The following LUC7L3 variants were observed in gnomAD, a reference collection of about 807,000 sequenced individuals.
LUC7L3 encodes LUC7 like 3 pre-mRNA splicing factor, also known as luc7-like protein 3.
LUC7L3 carries 6 observed loss-of-function variants against 66.8 expected under a neutral mutation model. That is an observed-to-expected ratio of 0.09 (90% CI 0.05 to 0.18). The LOEUF (loss-of-function observed/expected upper bound fraction) is 0.18. Among genes scored for constraint, LUC7L3 ranks in the 10% least tolerant of loss-of-function variants. The probability of loss-of-function intolerance (pLI) is 1.00; values close to 1 mark genes in which losing one functional copy is unlikely to be tolerated. For missense variants in LUC7L3, 341 were observed against 531.1 expected (o/e 0.64, Z 3.52); for synonymous variants, 160 against 174.7 (o/e 0.92, Z 0.66).
chr17:50,738,870 A>G (rs1970164396), intron 2 of LUC7L3, among the ~76,000 whole-genome samples: 1 of 152,100 alleles, frequency 6.6e-6, no homozygotes, highest in Admixed American at 6.6e-5. Flanking sequence ...ATACCTAGGC[A>G]TACCCCTGTG....
At chr17:50,722,735 T>C (rs1219092077) in intron 1 of LUC7L3, 1 of 152,248 alleles carries the variant, frequency 6.6e-6, no homozygotes, top group East Asian at 1.9e-4. Context: ...ATCGACCATT[T>C]ATTTGTAATG....
chr17:50,734,748 AAACT>A (rs1969865050), intron 1 of LUC7L3, among the ~76,000 whole-genome samples: 1 of 152,224 alleles, frequency 6.6e-6, no homozygotes, highest in Admixed American at 6.5e-5. Context: ...TATTGGCATA[AAACT>A]AGTGGCTTGC....
intron 1 of LUC7L3, among the ~76,000 whole-genome samples, chr17:50,733,648 G>A (rs954573054): frequency 1.4e-4 from 21 of 152,022 alleles, no homozygotes; most frequent in African/African-American, 5.1e-4. Flanking sequence ...TGATCCGCAC[G>A]CCTCAGCCTC....
In LUC7L3 at chr17:50,726,668, C is replaced by T. The variant is rs80193832; in HGVS notation, c.99+6837C>T. Among the ~76,000 whole-genome samples the T allele has an allele frequency of 3.0e-3, 453 of 152,268 alleles. 1 individual carries two copies. The highest frequency in any genetic ancestry group is 0.01 in the African/African-American group (435 of 41,536). On this transcript the variant is annotated intron_variant, in intron 1 of 9. Transcript: ENST00000505658. ...AATTCATCTTTTGTATACAGATGACCTAAACTTAGGGTATTGATAAATACA... is the reference window on the plus strand; with the variant it reads ...AATTCATCTTTTGTATACAGATGACTTAAACTTAGGGTATTGATAAATACA...
rs766512641 is a variant in LUC7L3, at chr17:50,750,541, C to T, written c.1179C>T (p.Ser393=). Residue 393 remains serine, a synonymous_variant, in exon 10 of 10, where the codon TCC becomes TCT. Transcript: ENST00000505658. ...GSDDKKSSVK[S]GSREKQSEDT... ...ATGATAAAAAAAGTAGTGTGAAGTC[C>T]GGTAGTCGAGAAAAGCAGAGTGAAG... 63 of 1,613,628 alleles carry T rather than the reference C, an allele frequency of 3.9e-5. No individual in the cohort carries two copies. The highest frequency in any genetic ancestry group is 5.1e-5 in the Non-Finnish European group (60 of 1,179,896).
chr17:50,749,148 T>C, intron 9 of LUC7L3: 1 of 1,185,000 alleles, frequency 8.4e-7, no homozygotes, highest in Non-Finnish European at 1.1e-6. Flanking sequence ...CCTTTTTTCA[T>C]CCATAGCCCT....
rs200295174 is a variant in LUC7L3, at chr17:50,728,163, A to G, written c.99+8332A>G. Among the ~76,000 whole-genome samples the G allele has an allele frequency of 1.8e-4, 28 of 151,938 alleles. 1 individual carries two copies. The East Asian group carries it at 4.3e-3, about 23-fold the overall frequency. On this transcript the variant is annotated intron_variant, in intron 1 of 9. Coordinates refer to ENST00000505658, the MANE Select transcript of LUC7L3 (RefSeq NM_016424.5). ...TTTATAAGCCTTGTTGAAAGTTTAG[A>G]TTTTATTACATTGGGAAATAACTGA...
At chr17:50,746,726 T>G in intron 9 of LUC7L3, 24 bp downstream of exon 9, 12 of 1,602,552 alleles carry the variant, frequency 7.5e-6, no homozygotes, top group Non-Finnish European at 6.8e-6. Context: ...AGAATTCAGT[T>G]CATTAAGAAA....
intron 1 of LUC7L3, among the ~76,000 whole-genome samples, chr17:50,728,460 G>GT (rs978228399): frequency 6.6e-5 from 10 of 150,682 alleles, no homozygotes; most frequent in African/African-American, 2.4e-4. Flanking sequence ...GAACTCTTAG[G>GT]TAAAAAAAAA....
At chr17:50,735,248 A>AAAGG (rs1555608640) in intron 1 of LUC7L3, among the ~76,000 whole-genome samples, 1 of 147,756 alleles carries the variant, frequency 6.8e-6, no homozygotes, top group Non-Finnish European at 1.5e-5. Flanking sequence ...AAAAAAAAGA[A>AAAGG]AAAAAAAACT....
intron 1 of LUC7L3, chr17:50,723,909 A>G (rs1380848600): frequency 4.4e-6 from 2 of 451,000 alleles, no homozygotes; most frequent in African/African-American, 2.0e-5. Flanking sequence ...TGCTGAGGTT[A>G]CAGGCGTGAG....
chr17:50,749,116 G>T (rs1175033574), intron 9 of LUC7L3: 2 of 805,494 alleles, frequency 2.5e-6, no homozygotes, highest in Non-Finnish European at 3.5e-6. Context: ...AGTGTAAGGT[G>T]CTCTCTTTGT....
rs779216847 is a variant in LUC7L3, at chr17:50,746,592, A to G, written c.1028A>G (p.His343Arg). The G allele has an allele frequency of 5.6e-6, 9 of 1,614,072 alleles. No individual in the cohort carries two copies. In the Admixed American group the frequency reaches 1.3e-4, roughly 24 times the overall value. ...SRSHDRSERK[H>R]RSRSRDRRRS... ...AGCCATGATCGATCAGAAAGAAAAC[A>G]CAGATCTCGAAGTCGGGATCGAAGA... is the stretch of plus-strand genomic sequence containing the variant. The change falls in exon 9 of 10, where the codon CAC (histidine) becomes CGC (arginine). Residue 343 changes from histidine (H) to arginine (R), a missense_variant. His to Arg is a conservative substitution (Grantham distance 29). This residue lies in a region of LUC7L3 where 210 missense variants were observed against 238.1 expected (regional missense o/e 0.88). Coordinates refer to ENST00000505658, the MANE Select transcript of LUC7L3 (RefSeq NM_016424.5).
intron 6 of LUC7L3, 75 bp from the exon 7 acceptor site, chr17:50,744,577 C>G: frequency 7.4e-7 from 1 of 1,359,774 alleles, no homozygotes; most frequent in Non-Finnish European, 1.0e-6. Context: ...GAAATCTTTT[C>G]TAAATGTTGA....
intron 1 of LUC7L3, among the ~76,000 whole-genome samples, chr17:50,735,724 C>T (rs1226677547): frequency 1.3e-5 from 2 of 152,106 alleles, no homozygotes; most frequent in African/African-American, 4.8e-5. Flanking sequence ...TCTCAAATTC[C>T]TGGGCTAAAG....
intron 3 of LUC7L3, 92 bp from the exon 4 acceptor site, chr17:50,741,009 TG>T (rs1970317099): frequency 8.1e-7 from 1 of 1,232,318 alleles, no homozygotes; most frequent in Admixed American, 1.7e-5. Context: ...GCAGCCTAAA[TG>T]GAATAGTCGT....
intron 2 of LUC7L3, among the ~76,000 whole-genome samples, chr17:50,739,508 C>T (rs973054794): frequency 1.3e-5 from 2 of 151,994 alleles, no homozygotes; most frequent in African/African-American, 4.8e-5. Flanking sequence ...AAAAAAATTA[C>T]GCAGGCATGG....
intron 2 of LUC7L3, chr17:50,738,190 ATC>A: frequency 2.2e-6 from 1 of 455,466 alleles, no homozygotes; most frequent in Non-Finnish European, 4.4e-6. Flanking sequence ...CTGAGAAGTG[ATC>A]TCTGCAGGTA....
At chr17:50,719,922 G>T in intron 1 of LUC7L3, 91 bp downstream of exon 1, 1 of 1,180,190 alleles carries the variant, frequency 8.5e-7, no homozygotes, top group Admixed American at 2.6e-5. Flanking sequence ...GCGCGATGTG[G>T]CCAGGGCCGC....
Sources: allele counts gnomAD v4.1 joint callset (sites outside exome capture counted in the v4.1 genomes callset), GRCh38; gene constraint gnomAD v4.1.1; regional missense constraint gnomAD v4.1.1; transcripts MANE v1.5; gene names NCBI Gene and HGNC (gene_info 2026-07-23, HGNC 2026-07-21).